IGSF21: variants seen among roughly 807,000 people sequenced by gnomAD.
IGSF21 encodes immunoglobulin superfamily member 21.
Under a neutral mutation model 46.8 loss-of-function variants are expected in IGSF21, and 28 were observed. The ratio of observed to expected loss-of-function variants is 0.60; its 90% CI spans 0.44 to 0.82. IGSF21 has a LOEUF of 0.82. Ranked by LOEUF, IGSF21 falls within the 40% of genes least tolerant of loss-of-function variation. IGSF21 has a pLI of 0.00. For missense variants in IGSF21, 624 were observed against 665.5 expected (o/e 0.94, Z 0.69); for synonymous variants, 284 against 273.6 (o/e 1.04, Z -0.38).
intron 3 of IGSF21, among the ~76,000 whole-genome samples, chr1:18,320,893 G>C (rs982057216): frequency 3.9e-5 from 6 of 152,206 alleles, no homozygotes; most frequent in African/African-American, 1.4e-4. Context: ...GTTGACTGCT[G>C]TGTCCATCTC....
intron 3 of IGSF21, among the ~76,000 whole-genome samples, chr1:18,321,106 C>T (rs538276110): frequency 2.6e-4 from 39 of 152,300 alleles, no homozygotes; most frequent in African/African-American, 7.7e-4. Context: ...AAGAGTTTGG[C>T]GTCGGGGGCT....
intron 1 of IGSF21, among the ~76,000 whole-genome samples, chr1:18,169,494 C>T (rs1264997832): frequency 1.3e-5 from 2 of 152,212 alleles, no homozygotes; most frequent in Non-Finnish European, 2.9e-5. Context: ...CCCAAGCATT[C>T]CAGGGCTAAT....
chr1:18,233,429 A>G (rs2084646325), intron 2 of IGSF21, among the ~76,000 whole-genome samples: 1 of 152,224 alleles, frequency 6.6e-6, no homozygotes, highest in African/African-American at 2.4e-5. Context: ...AGGCTGAGGT[A>G]GGAAGAGAGA....
At chr1:18,185,986 AGT>A (rs2086899403) in intron 1 of IGSF21, among the ~76,000 whole-genome samples, 1 of 152,182 alleles carries the variant, frequency 6.6e-6, no homozygotes, top group South Asian at 2.1e-4. Flanking sequence ...AGTGGTGGAA[AGT>A]GCCTAGCCAA....
At chr1:18,243,384 C>T (rs371584991) in intron 2 of IGSF21, among the ~76,000 whole-genome samples, 10 of 152,134 alleles carry the variant, frequency 6.6e-5, no homozygotes, top group Admixed American at 1.3e-4. Context: ...GCCCACTCCC[C>T]GCATCTCTTC....
chr1:18,204,172 A>G (rs2087103840), intron 1 of IGSF21, among the ~76,000 whole-genome samples: 1 of 152,220 alleles, frequency 6.6e-6, no homozygotes, highest in Non-Finnish European at 1.5e-5. Context: ...ATATGAACTC[A>G]TAAGCTCCTC....
At chr1:18,273,038 TC>T (rs1484649521) in intron 2 of IGSF21, among the ~76,000 whole-genome samples, 1 of 138,502 alleles carries the variant, frequency 7.2e-6, no homozygotes, top group African/African-American at 2.8e-5. Flanking sequence ...GCCAGACGGA[TC>T]TTTTTTTTTT....
Position 18,173,988 on chromosome 1 carries a change from G to A in IGSF21, c.71-53910G>A, listed in dbSNP as rs1261677180. 2.6e-5 allele frequency among the ~76,000 whole-genome samples: 4 copies of A among 152,104 alleles called. 1 individual carries two copies. The highest frequency in any genetic ancestry group is 4.2e-4 in the South Asian group (2 of 4,816). ...AGGCTGGTCTTGAACTCCTGACCTC[G>A]GGTGATTTGCCCTCCTCGGCCTCCC... On this transcript the variant is annotated intron_variant, in intron 1 of 9. Transcript: ENST00000251296.
intron 4 of IGSF21, among the ~76,000 whole-genome samples, chr1:18,339,104 G>A (rs1341932557): frequency 6.6e-6 from 1 of 152,174 alleles, no homozygotes; most frequent in South Asian, 2.1e-4. Context: ...TGCCAGCATT[G>A]AGCTCAGTGT....
In IGSF21 at chr1:18,316,540, C is replaced by T. The variant is rs560905456; in HGVS notation, c.306-18352C>T. Among the ~76,000 whole-genome samples, 32 of 152,272 alleles carry T rather than the reference C, an allele frequency of 2.1e-4. No homozygotes were observed. The South Asian group carries it at 6.2e-3, about 30-fold the overall frequency. On this transcript the variant is annotated intron_variant, in intron 3 of 9. Coordinates refer to ENST00000251296, the MANE Select transcript of IGSF21 (RefSeq NM_032880.5). ...TGTCTTGTGTGCAAGCCCCTGCCCCCGTATTTCATAGCAGGTCCCTAATGC... is the reference window on the plus strand; with the variant it reads ...TGTCTTGTGTGCAAGCCCCTGCCCCTGTATTTCATAGCAGGTCCCTAATGC...
chr1:18,176,971 T>G (rs2086805693), intron 1 of IGSF21, among the ~76,000 whole-genome samples: 1 of 152,160 alleles, frequency 6.6e-6, no homozygotes, highest in African/African-American at 2.4e-5. Flanking sequence ...TTTTTCTGGA[T>G]GTATTTGAGG....
chr1:18,364,668 G>C (rs533184127), intron 5 of IGSF21, among the ~76,000 whole-genome samples: 1 of 151,994 alleles, frequency 6.6e-6, no homozygotes, highest in African/African-American at 2.4e-5. Flanking sequence ...CCTCATCCCC[G>C]CACCTAGCTT....
chr1:18,301,048 C>T lies in IGSF21; in HGVS notation c.305+9061C>T, dbSNP rs537402401. On this transcript the variant is annotated intron_variant, in intron 3 of 9. Transcript: ENST00000251296. ...GGGTTGTATTCCAATGTGGAATTAT[C>T]ATTTCAAACAGTTAGCAAAACTCTT... Among the ~76,000 whole-genome samples, 3 of 152,278 alleles carry T rather than the reference C, an allele frequency of 2.0e-5. No homozygotes were observed. In the East Asian group the frequency reaches 5.8e-4, roughly 30 times the overall value.
chr1:18,231,462 G>A (rs1198836323), intron 2 of IGSF21, among the ~76,000 whole-genome samples: 1 of 152,242 alleles, frequency 6.6e-6, no homozygotes, highest in South Asian at 2.1e-4. Flanking sequence ...CCCATGGTCT[G>A]GCCAAGTGGG....
intron 2 of IGSF21, among the ~76,000 whole-genome samples, chr1:18,253,294 G>A (rs1184904797): frequency 6.6e-6 from 1 of 152,228 alleles, no homozygotes; most frequent in Non-Finnish European, 1.5e-5. Flanking sequence ...TGAGTCATCT[G>A]ATGGGCTACA....
chr1:18,340,264 A>C (rs1213278520), intron 4 of IGSF21, among the ~76,000 whole-genome samples: 5 of 152,104 alleles, frequency 3.3e-5, no homozygotes, highest in Non-Finnish European at 5.9e-5. Flanking sequence ...AGACAGTGCA[A>C]TAGGGGAGGC....
chr1:18,163,755 G>T (rs568767908), intron 1 of IGSF21, among the ~76,000 whole-genome samples: 2 of 152,314 alleles, frequency 1.3e-5, no homozygotes, highest in East Asian at 3.9e-4. Context: ...GGTGGGAGAA[G>T]GGAAGGAACA....
chr1:18,305,732 A>G (rs1013069562), intron 3 of IGSF21, among the ~76,000 whole-genome samples: 3 of 152,232 alleles, frequency 2.0e-5, no homozygotes, highest in African/African-American at 7.2e-5. Flanking sequence ...AAGTTGGTGG[A>G]CCATTGGGCC....
rs923781518 is a variant in IGSF21 at position 18,290,479 on chromosome 1, C to T, written c.184-1387C>T. Among the ~76,000 whole-genome samples, 1 of 152,182 alleles carries T rather than the reference C, an allele frequency of 6.6e-6. No individual in the cohort carries two copies. Among genetic ancestry groups the T allele is most frequent in the Admixed American group, 6.5e-5 (1 of 15,280 alleles). ...GGCCTTCTCATGATTCTAACCATCCCCCGTCCTCACAGAGGCCACCTTACT... is the reference window on the plus strand; with the variant it reads ...GGCCTTCTCATGATTCTAACCATCCTCCGTCCTCACAGAGGCCACCTTACT... On this transcript the variant is annotated intron_variant, in intron 2 of 9. Transcript: ENST00000251296. This position sits in a 1 kb window ranked among gnomAD's most constrained non-coding sequence, Gnocchi z 4.2.
Sources: gnomAD v4.1 joint callset for allele counts (sites outside exome capture counted in the v4.1 genomes callset) on GRCh38, gnomAD v4.1.1 for gene constraint, Gnocchi (gnomAD v3.1) non-coding constraint, MANE v1.5 for transcripts, NCBI Gene and HGNC (gene_info 2026-07-23, HGNC 2026-07-21) for gene names.